The following DOCK1 variants were observed in gnomAD, a reference collection of about 807,000 sequenced individuals.
The protein encoded by DOCK1 is dedicator of cytokinesis 1.
In DOCK1, 138 loss-of-function variants were observed where a neutral mutation model predicts 262.7. The observed-to-expected ratio is 0.53, with a 90% CI of 0.46 to 0.61. The LOEUF is 0.61. DOCK1 is among the 20% of genes least tolerant of loss of function. DOCK1 has a pLI of 0.00. For missense variants in DOCK1, 1,908 were observed against 2,370.7 expected (o/e 0.80, Z 4.05); for synonymous variants, 866 against 867.4 (o/e 1.00, Z 0.03).
intron 32 of DOCK1, among the ~76,000 whole-genome samples, chr10:127,358,706 A>G (rs1365794490): frequency 2.0e-5 from 3 of 152,086 alleles, no homozygotes; most frequent in South Asian, 4.1e-4. Flanking sequence ...ACCCGTATAC[A>G]TTGTGGCCTA....
At chr10:126,988,934 A>G (rs1281175418) in intron 5 of DOCK1, among the ~76,000 whole-genome samples, 1 of 152,228 alleles carries the variant, frequency 6.6e-6, no homozygotes, top group East Asian at 1.9e-4. Flanking sequence ...TTAGCTGAGC[A>G]TGGTGGAGCA....
intron 19 of DOCK1, among the ~76,000 whole-genome samples, chr10:127,040,664 A>G (rs1158148199): frequency 1.3e-5 from 2 of 152,204 alleles, no homozygotes; most frequent in African/African-American, 2.4e-5. Flanking sequence ...AAGAGGCTGC[A>G]CAGTCCAGGA....
At chr10:127,343,611 C>G (rs1251659246) in intron 30 of DOCK1, 35 bp from the exon 31 acceptor site, 1 of 1,528,150 alleles carries the variant, frequency 6.5e-7, no homozygotes, top group East Asian at 2.3e-5. Flanking sequence ...TCAAGCTGTT[C>G]AACAACTTAG....
chr10:127,200,137 G>A (rs775896140), intron 27 of DOCK1, among the ~76,000 whole-genome samples: 6 of 152,126 alleles, frequency 3.9e-5, no homozygotes, highest in South Asian at 2.1e-4. Flanking sequence ...AAGCGGTCCC[G>A]ATCCAGATCC....
At chr10:127,410,169 A>G (rs1335609342) in intron 42 of DOCK1, among the ~76,000 whole-genome samples, 5 of 152,230 alleles carry the variant, frequency 3.3e-5, no homozygotes, top group African/African-American at 7.2e-5. Flanking sequence ...ATCAGCAATA[A>G]TGGGAAATAA....
In DOCK1 at chr10:127,176,746, GCGTGACTC is replaced by G; in HGVS notation, c.2847+48984_2847+48991del. The G allele has an allele frequency of 5.0e-6, 1 of 199,220 alleles. No homozygotes were observed. Among genetic ancestry groups the G allele is most frequent in the Non-Finnish European group, 1.0e-5 (1 of 98,546 alleles). 12.3% of individuals were successfully genotyped at this position (199,220 alleles called of 1,614,324 possible). A position where few individuals can be genotyped will look rare whatever the true frequency, so the allele number is the denominator to read the frequency against. ...TGCTTTGCAAATTATCTTTTCACACGCGTGACTCCCCTTCTTAGGCAGATGGTTTACCA... is the reference window on the plus strand; with the variant it reads ...TGCTTTGCAAATTATCTTTTCACACGCCCTTCTTAGGCAGATGGTTTACCA... On this transcript the variant is annotated intron_variant, in intron 27 of 51. Coordinates refer to ENST00000623213, the MANE Select transcript of DOCK1 (RefSeq NM_001290223.2). The surrounding 1 kb of genome is among the most constrained non-coding windows in gnomAD (Gnocchi z 4.4).
intron 27 of DOCK1, among the ~76,000 whole-genome samples, chr10:127,233,783 A>G (rs1281400630): frequency 6.6e-6 from 1 of 152,202 alleles, no homozygotes; most frequent in African/African-American, 2.4e-5. Context: ...TGATCTTCTA[A>G]GTTTAATTTT....
rs1328746853 is a variant in DOCK1, at chr10:126,995,291, G to A, written c.474-1457G>A. Among the ~76,000 whole-genome samples the A allele has an allele frequency of 1.3e-5, 2 of 152,192 alleles. No individual in the cohort carries two copies. The highest frequency in any genetic ancestry group is 1.9e-4 in the East Asian group (1 of 5,176). Reference sequence around the variant, plus strand: ...GCACTTTGGGAGGCCAAGGCAGGTGGCTGGGAGGTGGAGGTTGTAGCGAGC... The same window carrying A: ...GCACTTTGGGAGGCCAAGGCAGGTGACTGGGAGGTGGAGGTTGTAGCGAGC... On this transcript the variant is annotated intron_variant, in intron 6 of 51. Coordinates refer to ENST00000623213, the MANE Select transcript of DOCK1 (RefSeq NM_001290223.2). The surrounding 1 kb of genome is among the most constrained non-coding windows in gnomAD (Gnocchi z 5.8).
intron 27 of DOCK1, among the ~76,000 whole-genome samples, chr10:127,228,312 C>T (rs1044054624): frequency 2.0e-5 from 3 of 152,194 alleles, no homozygotes; most frequent in Non-Finnish European, 4.4e-5. Context: ...TTGCTAAATT[C>T]TCCAGAACGT....
At chr10:126,991,008 G>T (rs1170956961) in intron 6 of DOCK1, among the ~76,000 whole-genome samples, 2 of 152,218 alleles carry the variant, frequency 1.3e-5, no homozygotes, top group Non-Finnish European at 2.9e-5. Context: ...CTGAGCATTG[G>T]AGTGGACATT....
At chr10:127,251,443 C>T (rs926523247) in intron 28 of DOCK1, among the ~76,000 whole-genome samples, 2 of 151,338 alleles carry the variant, frequency 1.3e-5, no homozygotes, top group African/African-American at 4.9e-5. Flanking sequence ...AGGTTAGTTA[C>T]ATATGTATAC....
At chr10:127,330,054 G>A (rs2766060) in intron 29 of DOCK1, among the ~76,000 whole-genome samples, 262 of 152,216 alleles carry the variant, frequency 1.7e-3, no homozygotes, top group African/African-American at 5.9e-3. Context: ...CTAACTCCGC[G>A]TTGGGGCTCC....
chr10:127,427,768 A>G (rs1467539671), intron 47 of DOCK1, among the ~76,000 whole-genome samples: 1 of 152,198 alleles, frequency 6.6e-6, no homozygotes, highest in Non-Finnish European at 1.5e-5. Flanking sequence ...TTATGATCAC[A>G]CTGCATGCTC....
chr10:127,141,900 A>C (rs576792476), intron 27 of DOCK1, among the ~76,000 whole-genome samples: 20 of 152,264 alleles, frequency 1.3e-4, no homozygotes, highest in African/African-American at 4.8e-4. Flanking sequence ...AAGATCCTGA[A>C]ACATTTTCTG....
At chr10:126,997,948 G>C in intron 7 of DOCK1, 144 bp from the exon 8 acceptor site, 1 of 996,462 alleles carries the variant, frequency 1.0e-6, no homozygotes. Flanking sequence ...AATGTGCAGG[G>C]GAGATAAGAA....
chr10:127,268,400 T>C (rs2060444012), intron 29 of DOCK1, among the ~76,000 whole-genome samples: 1 of 143,640 alleles, frequency 7.0e-6, no homozygotes, highest in African/African-American at 2.6e-5. Flanking sequence ...CTCAGGAGGC[T>C]GAGACAGGAG....
At chr10:127,363,050 C>CAT (rs1554956390) in intron 33 of DOCK1, among the ~76,000 whole-genome samples, 8 of 120,092 alleles carry the variant, frequency 6.7e-5, no homozygotes, top group African/African-American at 2.1e-4. Flanking sequence ...CCCACACACA[C>CAT]ACACGTACAT....
intron 10 of DOCK1, among the ~76,000 whole-genome samples, chr10:127,004,509 G>T (rs992380426): frequency 2.6e-5 from 4 of 152,030 alleles, no homozygotes; most frequent in African/African-American, 9.7e-5. Flanking sequence ...CACTTTGGGA[G>T]GCTGAGGAAG....
intron 27 of DOCK1, among the ~76,000 whole-genome samples, chr10:127,163,799 C>CT (rs531750560): frequency 0.028 from 3,595 of 129,158 alleles, 109 homozygotes; most frequent in African/African-American, 0.062. Context: ...TAAAGCCTTC[C>CT]TTTTTTTTTT....
Sources: allele counts gnomAD v4.1 joint callset (sites outside exome capture counted in the v4.1 genomes callset), GRCh38; gene constraint gnomAD v4.1.1; non-coding constraint Gnocchi (gnomAD v3.1); transcripts MANE v1.5; gene names NCBI Gene and HGNC (gene_info 2026-07-23, HGNC 2026-07-21).